Variants in NRXN1 observed in about 807,000 individuals in gnomAD.
NRXN1 encodes the protein neurexin 1.
Under a neutral mutation model 150.9 loss-of-function variants are expected in NRXN1, and 39 were observed. That is an observed-to-expected ratio of 0.26 (90% CI 0.20 to 0.34). The LOEUF (loss-of-function observed/expected upper bound fraction) is 0.34, where lower values mean the gene tolerates loss of function less well. NRXN1 is among the 10% of genes least tolerant of loss of function. The pLI, the probability that NRXN1 is intolerant of heterozygous loss-of-function variation, is 1.00. For synonymous variants in NRXN1, 924 were observed against 757.0 expected (o/e 1.22, Z -3.62); for missense variants, 1,815 against 1,949.9 (o/e 0.93, Z 1.30).
chr2:50,137,341 G>A lies in NRXN1; in HGVS notation c.3547-45847C>T, dbSNP rs889477387. Reference sequence around the variant, plus strand: ...TTGGTGAGCATCTGTAAACATGCTCGTTCTCAGCCTACAGCTACTACCGTT... The same window carrying A: ...TTGGTGAGCATCTGTAAACATGCTCATTCTCAGCCTACAGCTACTACCGTT... On this transcript the variant is annotated intron_variant, in intron 18 of 22. Transcript: ENST00000401669. 5.3e-5 allele frequency among the ~76,000 whole-genome samples: 8 copies of A among 152,180 alleles called. 1 individual carries two copies. Among genetic ancestry groups the A allele is most frequent in the Admixed American group, 1.3e-4 (2 of 15,278 alleles).
chr2:50,643,738 T>C (rs866264079), intron 5 of NRXN1, among the ~76,000 whole-genome samples: 1 of 152,032 alleles, frequency 6.6e-6, no homozygotes, highest in African/African-American at 2.4e-5. Flanking sequence ...GACTCCATTT[T>C]CTCTAAACAT....
intron 2 of NRXN1, among the ~76,000 whole-genome samples, chr2:51,021,012 T>G (rs1669517433): frequency 6.6e-6 from 1 of 151,846 alleles, no homozygotes. Context: ...ATTTACGTAT[T>G]CAGCAAAGGC....
chr2:50,621,500 C>T (rs1680007974), intron 6 of NRXN1, among the ~76,000 whole-genome samples: 1 of 152,098 alleles, frequency 6.6e-6, no homozygotes, highest in African/African-American at 2.4e-5. Flanking sequence ...ATTTTTCCTG[C>T]TATTATTGTT....
intron 18 of NRXN1, among the ~76,000 whole-genome samples, chr2:50,145,329 T>A (rs1199207015): frequency 6.6e-6 from 1 of 151,642 alleles, no homozygotes; most frequent in Non-Finnish European, 1.5e-5. Context: ...TTGTTTTTTT[T>A]CCTGAACCAT....
At chr2:49,990,323 T>A (rs559237683) in intron 21 of NRXN1, among the ~76,000 whole-genome samples, 2 of 151,990 alleles carry the variant, frequency 1.3e-5, no homozygotes, top group African/African-American at 4.8e-5. Context: ...CTAAGAATGA[T>A]CTAAGAGCAC....
chr2:50,825,482 C>T (rs2105850564), intron 5 of NRXN1, among the ~76,000 whole-genome samples: 2 of 152,224 alleles, frequency 1.3e-5, no homozygotes, highest in East Asian at 3.9e-4. Flanking sequence ...ATCAATCAGG[C>T]CTATGTAATG....
intron 17 of NRXN1, among the ~76,000 whole-genome samples, chr2:50,409,606 C>T (rs1467166929): frequency 6.6e-6 from 1 of 152,202 alleles, no homozygotes; most frequent in African/African-American, 2.4e-5. Context: ...CATAATTATA[C>T]TCAAGATGAG....
chr2:50,913,599 T>C (rs773693671), intron 5 of NRXN1, among the ~76,000 whole-genome samples: 70 of 151,948 alleles, frequency 4.6e-4, no homozygotes, highest in Non-Finnish European at 4.3e-4. Flanking sequence ...TAAAATAGTA[T>C]TTTAAACATG....
chr2:50,510,225 C>A (rs1278451568), intron 12 of NRXN1, among the ~76,000 whole-genome samples: 1 of 152,072 alleles, frequency 6.6e-6, no homozygotes, highest in Non-Finnish European at 1.5e-5. Context: ...TGGTGGCTCT[C>A]GTCTGTAATC....
At chr2:50,845,361 C>T (rs1673483659) in intron 5 of NRXN1, among the ~76,000 whole-genome samples, 1 of 152,152 alleles carries the variant, frequency 6.6e-6, no homozygotes, top group African/African-American at 2.4e-5. Context: ...CACTCTTAAT[C>T]TTCACATCAG....
chr2:50,792,671 C>A (rs1706219874), intron 5 of NRXN1, among the ~76,000 whole-genome samples: 1 of 151,688 alleles, frequency 6.6e-6, no homozygotes, highest in African/African-American at 2.4e-5. Context: ...TTACCAAAAA[C>A]AGAACTTTTT....
At chr2:50,055,620 A>G (rs1693474317) in intron 19 of NRXN1, among the ~76,000 whole-genome samples, 1 of 152,206 alleles carries the variant, frequency 6.6e-6, no homozygotes, top group Non-Finnish European at 1.5e-5. Context: ...ATTTCACACA[A>G]ATTGATTTAT....
chr2:50,477,960 T>G (rs10176224), intron 15 of NRXN1, among the ~76,000 whole-genome samples: 90,626 of 152,040 alleles, frequency 0.6, 27,969 homozygotes, highest in African/African-American at 0.75. Flanking sequence ...CAATCAAGCT[T>G]GGGTAGTTTC....
chr2:50,832,200 T>C (rs1359790616), intron 5 of NRXN1, among the ~76,000 whole-genome samples: 1 of 151,986 alleles, frequency 6.6e-6, no homozygotes, highest in East Asian at 1.9e-4. Flanking sequence ...TGGGCATATA[T>C]GAAAAAAAGT....
chr2:50,666,879 A>ATG (rs34096569), intron 5 of NRXN1, among the ~76,000 whole-genome samples: 8,217 of 107,690 alleles, frequency 0.076, 321 homozygotes, highest in Middle Eastern at 0.14. Context: ...GATGATGATG[A>ATG]TGTGTGTGTG....
chr2:50,426,962 A>G (rs1372669627), intron 17 of NRXN1, among the ~76,000 whole-genome samples: 2 of 152,164 alleles, frequency 1.3e-5, no homozygotes, highest in East Asian at 3.9e-4. Flanking sequence ...AATGAAAGAG[A>G]TATTTGGATG....
At chr2:50,123,772 G>C (rs1704190087) in intron 18 of NRXN1, among the ~76,000 whole-genome samples, 1 of 152,138 alleles carries the variant, frequency 6.6e-6, no homozygotes, top group Admixed American at 6.5e-5. Flanking sequence ...ACTGCACCTT[G>C]AACTCAAGAT....
At chr2:50,159,131 T>C (rs1331188599) in intron 18 of NRXN1, among the ~76,000 whole-genome samples, 2 of 152,112 alleles carry the variant, frequency 1.3e-5, no homozygotes, top group Non-Finnish European at 2.9e-5. Context: ...TATATACTTT[T>C]GCTGAAATAG....
At chr2:50,191,420 C>T (rs763380156) in intron 18 of NRXN1, among the ~76,000 whole-genome samples, 4 of 151,962 alleles carry the variant, frequency 2.6e-5, no homozygotes, top group Admixed American at 6.6e-5. Flanking sequence ...GAGATTATTC[C>T]GACTTCACTG....
Sources: allele counts gnomAD v4.1 joint callset (sites outside exome capture counted in the v4.1 genomes callset), GRCh38; gene constraint gnomAD v4.1.1; transcripts MANE v1.5; gene names NCBI Gene and HGNC (gene_info 2026-07-23, HGNC 2026-07-21).